Variants in NSRP1 observed in about 807,000 individuals in gnomAD.
NSRP1 encodes the protein coiled-coil domain containing 55.
NSRP1 carries 24 observed loss-of-function variants against 54.7 expected under a neutral mutation model. That is an observed-to-expected ratio of 0.44 (90% confidence interval 0.32 to 0.62). NSRP1 has a LOEUF of 0.62. Ranked by LOEUF, NSRP1 falls within the 20% of genes least tolerant of loss-of-function variation. The pLI, the probability that NSRP1 is intolerant of heterozygous loss-of-function variation, is 0.06. For synonymous variants in NSRP1, 210 were observed against 213.8 expected (o/e 0.98, Z 0.15); for missense variants, 596 against 651.2 (o/e 0.92, Z 0.92).
intron 3 of NSRP1, 199 bp from the exon 4 acceptor site, chr17:30,177,872 C>T (rs554111743): frequency 2.3e-5 from 15 of 638,740 alleles, no homozygotes; most frequent in South Asian, 1.4e-4. Flanking sequence ...CAAACTTGCC[C>T]GGAGTAATTA....
At chr17:30,170,313 G>C (rs982960249) in intron 2 of NSRP1, among the ~76,000 whole-genome samples, 2 of 151,620 alleles carry the variant, frequency 1.3e-5, no homozygotes, top group African/African-American at 4.8e-5. Context: ...TACTTTTTTT[G>C]TTTCTGTGGC....
chr17:30,132,817 C>T (rs1427579624), intron 2 of NSRP1, among the ~76,000 whole-genome samples: 1 of 152,234 alleles, frequency 6.6e-6, no homozygotes, highest in African/African-American at 2.4e-5. Context: ...TTGGCCTCCA[C>T]CCATGAATCA....
intron 2 of NSRP1, among the ~76,000 whole-genome samples, chr17:30,168,422 G>A (rs888869089): frequency 6.6e-6 from 1 of 151,684 alleles, no homozygotes; most frequent in African/African-American, 2.4e-5. Context: ...ATTCTGCACA[G>A]TTCTTAGCAG....
At chr17:30,139,397 A>T (rs998913998) in intron 2 of NSRP1, among the ~76,000 whole-genome samples, 1 of 152,036 alleles carries the variant, frequency 6.6e-6, no homozygotes, top group African/African-American at 2.4e-5. Context: ...CAGTTTATCA[A>T]TTTTTTTGTT....
intron 2 of NSRP1, among the ~76,000 whole-genome samples, chr17:30,156,944 A>G (rs562452839): frequency 6.5e-4 from 99 of 152,356 alleles, no homozygotes; most frequent in African/African-American, 2.3e-3. Context: ...GTAGTGCTGC[A>G]GTAAACATAA....
chr17:30,116,908 A>G (rs760679775), intron 1 of NSRP1, 45 bp downstream of exon 1: 2 of 1,558,132 alleles, frequency 1.3e-6, no homozygotes, highest in Non-Finnish European at 1.7e-6. Flanking sequence ...ATGAGAAACT[A>G]CGGCGACTGT....
chr17:30,161,310 A>G (rs1421079032), intron 2 of NSRP1, among the ~76,000 whole-genome samples: 1 of 151,996 alleles, frequency 6.6e-6, no homozygotes, highest in East Asian at 1.9e-4. Flanking sequence ...AATTATTGTA[A>G]ATGTCACTTC....
At chr17:30,144,504 G>C (rs2071835584) in intron 2 of NSRP1, 1 of 151,992 alleles carries the variant, frequency 6.6e-6, no homozygotes, top group Admixed American at 6.6e-5. Flanking sequence ...CAGGTGATCT[G>C]CCCACCTCGG....
chr17:30,163,960 A>G (rs974967824), intron 2 of NSRP1, among the ~76,000 whole-genome samples: 6 of 152,118 alleles, frequency 3.9e-5, no homozygotes, highest in African/African-American at 1.4e-4. Flanking sequence ...TGCTGGGATT[A>G]CAGGCATGAG....
At chr17:30,166,612 A>G (rs901253050) in intron 2 of NSRP1, among the ~76,000 whole-genome samples, 6 of 152,272 alleles carry the variant, frequency 3.9e-5, no homozygotes, top group African/African-American at 1.4e-4. Context: ...ACCCAAGTAC[A>G]ATACGTTTTT....
intron 2 of NSRP1, among the ~76,000 whole-genome samples, chr17:30,166,949 C>T (rs1406958806): frequency 6.6e-6 from 1 of 151,980 alleles, no homozygotes. Flanking sequence ...GGATAGTCAC[C>T]TTACTCTTCT....
At chr17:30,141,286 G>C (rs546091548) in intron 2 of NSRP1, among the ~76,000 whole-genome samples, 1 of 151,698 alleles carries the variant, frequency 6.6e-6, no homozygotes, top group Non-Finnish European at 1.5e-5. Flanking sequence ...TTCTTCTTCA[G>C]TGCTGCATTG....
chr17:30,147,105 A>G (rs1323446099), intron 2 of NSRP1, among the ~76,000 whole-genome samples: 2 of 150,846 alleles, frequency 1.3e-5, no homozygotes, highest in South Asian at 2.1e-4. Context: ...CTTTTGGTAT[A>G]TAGACTTTTT....
At chr17:30,169,595 G>A (rs867678723) in intron 2 of NSRP1, among the ~76,000 whole-genome samples, 1 of 151,924 alleles carries the variant, frequency 6.6e-6, no homozygotes, top group African/African-American at 2.4e-5. Flanking sequence ...ACAGAAATTT[G>A]GATTAAATCA....
At position 30,176,606 on chromosome 17, in the gene NSRP1, T is replaced by TCC. The variant is rs1555583104; in HGVS notation, c.172-1454_172-1453dup. ...GCCAGGACAACAGTGCAAGACTTCG[T>TCC]CCCCCCCCCCCCAAAAAAAAAACAG... On this transcript the variant is annotated intron_variant, in intron 3 of 6. Coordinates refer to ENST00000247026, the MANE Select transcript of NSRP1 (RefSeq NM_032141.4). 3.1e-4 allele frequency among the ~76,000 whole-genome samples: 25 copies of TCC among 81,550 alleles called. 1 individual carries two copies. The highest frequency in any genetic ancestry group is 1.5e-3 in the East Asian group (2 of 1,302). 53.5% of individuals were successfully genotyped at this position (81,550 alleles called of 152,430 possible). A position where few individuals can be genotyped will look rare whatever the true frequency, so the allele number is the denominator to read the frequency against.
chr17:30,181,902 GC>G (rs1567808301), intron 6 of NSRP1, among the ~76,000 whole-genome samples: 2 of 151,864 alleles, frequency 1.3e-5, no homozygotes, highest in African/African-American at 4.8e-5. Flanking sequence ...GAGCCACCAC[GC>G]CCAGCCTCTT....
At position 30,147,868 on chromosome 17, in the gene NSRP1, A is replaced by G. The variant is rs541987245; in HGVS notation, c.115-24674A>G. 2.6e-3 allele frequency among the ~76,000 whole-genome samples: 396 copies of G among 151,306 alleles called. 2 individuals carry two copies. Among genetic ancestry groups the G allele is most frequent in the Middle Eastern group, 0.017 (5 of 294 alleles). ...CTCTTGTCCCCCTGGCTGGAGTGCA[A>G]TGGCGCAACCTCAGCTCCCTGCAAC... On this transcript the variant is annotated intron_variant, in intron 2 of 6. Transcript: ENST00000247026.
chr17:30,182,806 C>T (rs1478789077), intron 6 of NSRP1, among the ~76,000 whole-genome samples: 4 of 150,712 alleles, frequency 2.7e-5, no homozygotes, highest in South Asian at 2.1e-4. Context: ...TGGTGGCGGG[C>T]GCCTGTTGTC....
intron 2 of NSRP1, chr17:30,144,783 C>T (rs2071838387): frequency 1.3e-5 from 2 of 152,158 alleles, no homozygotes; most frequent in African/African-American, 4.8e-5. Flanking sequence ...AGTCATGCTC[C>T]TCATTTCAAG....
Sources: allele counts gnomAD v4.1 joint callset (sites outside exome capture counted in the v4.1 genomes callset), GRCh38; gene constraint gnomAD v4.1.1; transcripts MANE v1.5; gene names NCBI Gene and HGNC (gene_info 2026-07-23, HGNC 2026-07-21).